SMARCA2: variants seen among roughly 807,000 people sequenced by gnomAD.
The protein encoded by SMARCA2 is SWI/SNF-related matrix-associated actin-dependent regulator of chromatin subfamily A member 2.
A neutral mutation model predicts 199.8 loss-of-function variants in SMARCA2; 61 were observed. That is an observed-to-expected ratio of 0.31 (90% CI 0.25 to 0.38). The LOEUF is 0.38. Ranked by LOEUF, SMARCA2 falls within the 10% of genes least tolerant of loss-of-function variation. The probability of loss-of-function intolerance (pLI) is 1.00; values close to 1 mark genes in which losing one functional copy is unlikely to be tolerated. For synonymous variants in SMARCA2, 935 were observed against 732.0 expected, an observed-to-expected ratio of 1.28 and a Z score of -4.48; for missense variants, 1,344 against 2,012.2, an observed-to-expected ratio of 0.67 and a Z score of 6.35.
At chr9:2,051,695 T>A (rs761898220) in intron 5 of SMARCA2, among the ~76,000 whole-genome samples, 17 of 152,240 alleles carry the variant, frequency 1.1e-4, no homozygotes, top group Admixed American at 2.0e-4. Context: ...ATAAGAAAGA[T>A]CTGCAAGGAA....
intron 1 of SMARCA2, among the ~76,000 whole-genome samples, chr9:2,020,042 T>G (rs1818533203): frequency 6.6e-6 from 1 of 152,200 alleles, no homozygotes; most frequent in South Asian, 2.1e-4. Context: ...TTAACCACTT[T>G]AAGATTTGAT....
chr9:2,168,234 C>G (rs1826039224), intron 28 of SMARCA2, among the ~76,000 whole-genome samples: 1 of 152,096 alleles, frequency 6.6e-6, no homozygotes, highest in Non-Finnish European at 1.5e-5. Context: ...TGGTCTCGAA[C>G]TCCTGACCTC....
At chr9:2,156,202 A>G (rs1344462014) in intron 27 of SMARCA2, among the ~76,000 whole-genome samples, 2 of 152,240 alleles carry the variant, frequency 1.3e-5, no homozygotes, top group African/African-American at 4.8e-5. Flanking sequence ...TGAACGTGCT[A>G]TCTGTTGAAA....
In SMARCA2 at chr9:2,091,201, A is replaced by G. The variant is rs145620176; in HGVS notation, c.2883+2588A>G. Among the ~76,000 whole-genome samples the G allele has an allele frequency of 2.7e-3, 407 of 152,310 alleles. 2 individuals are homozygous for G. The highest frequency in any genetic ancestry group is 9.1e-3 in the African/African-American group (379 of 41,562). ...CATGCCCACAACAAAAATTCAAAAC[A>G]ATGTCATCATCCACCGCTCCAAAAA... On this transcript the variant is annotated intron_variant, in intron 19 of 33. Transcript: ENST00000349721.
At chr9:2,159,466 G>A (rs914857248) in intron 27 of SMARCA2, 4 of 209,622 alleles carry the variant, frequency 1.9e-5, no homozygotes, top group Non-Finnish European at 1.9e-5. Flanking sequence ...TAAAAAATAA[G>A]GTACAAAATA....
chr9:2,058,985 CT>C (rs1436851108), intron 8 of SMARCA2, among the ~76,000 whole-genome samples: 1 of 152,000 alleles, frequency 6.6e-6, no homozygotes, highest in East Asian at 1.9e-4. Context: ...GAAATGTTGC[CT>C]TTTTTGTGAT....
chr9:2,134,129 T>C (rs148840537), intron 27 of SMARCA2, among the ~76,000 whole-genome samples: 114 of 152,240 alleles, frequency 7.5e-4, no homozygotes, highest in African/African-American at 2.5e-3. Flanking sequence ...TAATGGATAA[T>C]AGAAAAAGAA....
At chr9:2,191,554 T>G in intron 33 of SMARCA2, 146 bp downstream of exon 33, 3 of 858,880 alleles carry the variant, frequency 3.5e-6, no homozygotes, top group Non-Finnish European at 5.6e-6. Flanking sequence ...TATTGAGGGA[T>G]GTGAACGGAG....
Position 2,082,306 on chromosome 9 carries a change from GGTGTGTGTGTGTGTGTGT to G in SMARCA2, c.2348+339_2348+356del, listed in dbSNP as rs3057852. The stretch of plus-strand genomic sequence containing the variant: ...CCTTAAGTGGCTCACAAAGGGGAAA[GGTGTGTGTGTGTGTGTGT>G]GTGTGTGTGTGTGTGTGTGTGTGTG... On this transcript the variant is annotated intron_variant, in intron 15 of 33. Coordinates refer to ENST00000349721, the MANE Select transcript of SMARCA2 (RefSeq NM_003070.5). Among the ~76,000 whole-genome samples the G allele has an allele frequency of 2.7e-4, 33 of 121,860 alleles. No individual in the cohort carries two copies. In the South Asian group the frequency reaches 3.4e-3, roughly 12 times the overall value. The allele number at this position is 121,860 out of a possible 152,430, so 79.9% of individuals were successfully genotyped here.
intron 27 of SMARCA2, among the ~76,000 whole-genome samples, chr9:2,143,562 C>T (rs1477733030): frequency 6.6e-6 from 1 of 152,138 alleles, no homozygotes; most frequent in South Asian, 2.1e-4. Context: ...ACCCGTCTGA[C>T]AGCAGGGAGA....
intron 23 of SMARCA2, among the ~76,000 whole-genome samples, chr9:2,108,954 A>T (rs565923454): frequency 6.6e-6 from 1 of 152,334 alleles, no homozygotes; most frequent in East Asian, 1.9e-4. Flanking sequence ...ATGTGACTCA[A>T]TGAGAGCCCC....
intron 28 of SMARCA2, among the ~76,000 whole-genome samples, chr9:2,167,439 A>C (rs1428252516): frequency 2.0e-5 from 3 of 152,208 alleles, no homozygotes; most frequent in Admixed American, 2.0e-4. Context: ...CTGTCTGTAA[A>C]AGGGTTTGGA....
chr9:2,071,621 T>A (rs188206920), intron 10 of SMARCA2, among the ~76,000 whole-genome samples: 32 of 152,364 alleles, frequency 2.1e-4, no homozygotes, highest in Admixed American at 2.0e-4. Context: ...GTGTCCTGTT[T>A]GCTAAGGATT....
At chr9:2,077,027 AC>A (rs1821354772) in intron 13 of SMARCA2, among the ~76,000 whole-genome samples, 2 of 152,072 alleles carry the variant, frequency 1.3e-5, no homozygotes, top group Non-Finnish European at 2.9e-5. Context: ...CACTTTAGGG[AC>A]CCTTCCTCCT....
chr9:2,020,545 T>C (rs1421324711), intron 1 of SMARCA2, among the ~76,000 whole-genome samples: 1 of 152,196 alleles, frequency 6.6e-6, no homozygotes, highest in Non-Finnish European at 1.5e-5. Flanking sequence ...GCCAGAGTCA[T>C]TATGAAAGAG....
In SMARCA2 at chr9:2,193,586, TGGTGCTTTC is replaced by T. The variant is rs1176632950; in HGVS notation, c.*848_*856del. The T allele has an allele frequency of 2.0e-5, 3 of 152,682 alleles. No homozygotes were observed. Among genetic ancestry groups the T allele is most frequent in the African/African-American group, 7.2e-5 (3 of 41,458 alleles). 9.5% of individuals were successfully genotyped at this position (152,682 alleles called of 1,614,324 possible). ...CCAGTAATTTCGAAGAATGTGGTGT[TGGTGCTTTC>T]CTAATAAAGAAATAATTTAGCTTGA... On this transcript the variant is annotated 3_prime_UTR_variant, in exon 34 of 34. Transcript: ENST00000349721.
chr9:2,170,574 G>C lies in SMARCA2; in HGVS notation c.4253+102G>C, dbSNP rs566084035. The C allele has an allele frequency of 1.3e-6, 2 of 1,583,554 alleles. No individual in the cohort carries two copies. The highest frequency in any genetic ancestry group is 1.3e-5 in the African/African-American group (1 of 74,430). ...TCGGCCTTTGGAAGCAAATTTCTTCGGTCACCTCCTGATCACCCCTACTTG... is the reference window on the plus strand; with the variant it reads ...TCGGCCTTTGGAAGCAAATTTCTTCCGTCACCTCCTGATCACCCCTACTTG... On this transcript the variant is annotated intron_variant, in intron 29 of 33. Coordinates refer to ENST00000349721, the MANE Select transcript of SMARCA2 (RefSeq NM_003070.5). The surrounding 1 kb of genome is among the most constrained non-coding windows in gnomAD (Gnocchi z 4.7).
chr9:2,036,820 G>A (rs558984939), intron 3 of SMARCA2, among the ~76,000 whole-genome samples: 1 of 152,070 alleles, frequency 6.6e-6, no homozygotes, highest in Non-Finnish European at 1.5e-5. Flanking sequence ...TATGTTTAAT[G>A]TAACTGTCTC....
intron 12 of SMARCA2, among the ~76,000 whole-genome samples, chr9:2,075,673 T>C (rs1821292363): frequency 6.6e-6 from 1 of 152,174 alleles, no homozygotes; most frequent in African/African-American, 2.4e-5. Context: ...GTGTTTTGTT[T>C]TGAGACAGAG....
Sources: gnomAD v4.1 joint callset for allele counts (sites outside exome capture counted in the v4.1 genomes callset) on GRCh38, gnomAD v4.1.1 for gene constraint, Gnocchi (gnomAD v3.1) non-coding constraint, MANE v1.5 for transcripts, NCBI Gene and HGNC (gene_info 2026-07-23, HGNC 2026-07-21) for gene names.